Variants in DIS3L2 observed in about 807,000 individuals in gnomAD.
DIS3L2 encodes DIS3 like 3'-5' exoribonuclease 2.
Under a neutral mutation model 97.5 loss-of-function variants are expected in DIS3L2, and 34 were observed. The ratio of observed to expected loss-of-function variants is 0.35; its 90% CI spans 0.27 to 0.46. The LOEUF is 0.46. Ranked by LOEUF, DIS3L2 falls within the 20% of genes least tolerant of loss-of-function variation. The pLI is 1.00. For synonymous variants in DIS3L2, 435 were observed against 445.2 expected (o/e 0.98, Z 0.29); for missense variants, 1,038 against 1,146.0 (o/e 0.91, Z 1.36).
At position 232,014,948 on chromosome 2, in the gene DIS3L2, A is replaced by G. The variant is rs1694312538; in HGVS notation, c.21A>G (p.Arg7=). The G allele has an allele frequency of 6.2e-7, 1 of 1,613,930 alleles. No individual in the cohort carries two copies. Among genetic ancestry groups the G allele is most frequent in the African/African-American group, 1.3e-5 (1 of 74,912 alleles). Residue 7 remains arginine, a synonymous_variant, in exon 2 of 21, where the codon AGA becomes AGG. Coordinates refer to ENST00000325385, the MANE Select transcript of DIS3L2 (RefSeq NM_152383.5). ...CAATAATGAGCCATCCTGACTACAG[A>G]ATGAACCTCCGGCCCCTGGGGACCC... MSHPDY[R]MNLRPLGTPR...
At chr2:232,059,217 C>A (rs1201738937) in intron 5 of DIS3L2, among the ~76,000 whole-genome samples, 2 of 152,162 alleles carry the variant, frequency 1.3e-5, no homozygotes, top group African/African-American at 4.8e-5. Flanking sequence ...ATGGCAGAAC[C>A]AGCTTACATT....
chr2:232,091,640 C>T (rs2085024), intron 6 of DIS3L2, among the ~76,000 whole-genome samples: 134,485 of 152,208 alleles, frequency 0.88, 59,539 homozygotes, highest in East Asian at 1. Flanking sequence ...CTCTTTGATA[C>T]ACTGTTTTCC....
intron 19 of DIS3L2, 35 bp from the exon 20 acceptor site, chr2:232,335,738 G>GAGCTGAGGCCT: frequency 6.5e-7 from 1 of 1,546,186 alleles, no homozygotes; most frequent in Non-Finnish European, 8.7e-7. Flanking sequence ...GCAGCATCCA[G>GAGCTGAGGCCT]AGCTGAGGCC....
intron 5 of DIS3L2, among the ~76,000 whole-genome samples, chr2:232,057,238 C>T (rs1574842527): frequency 6.6e-6 from 1 of 152,072 alleles, no homozygotes; most frequent in Admixed American, 6.5e-5. Flanking sequence ...AAGAGAAGAA[C>T]GTCTTGAGTA....
chr2:232,090,831 G>A (rs765943062), intron 6 of DIS3L2, among the ~76,000 whole-genome samples: 2 of 152,156 alleles, frequency 1.3e-5, no homozygotes, highest in African/African-American at 4.8e-5. Flanking sequence ...TGTATTTATA[G>A]CATATACCTA....
In DIS3L2 at chr2:232,108,604, G is replaced by A. The variant is rs183210451; in HGVS notation, c.601+20883G>A. On this transcript the variant is annotated intron_variant, in intron 6 of 20. Coordinates refer to ENST00000325385, the MANE Select transcript of DIS3L2 (RefSeq NM_152383.5). ...AGGTATTTAAATAGGAAGAGAGGAA[G>A]TCAAACTATCTTTGTTTGCATTGCA... Among the ~76,000 whole-genome samples the A allele has an allele frequency of 3.3e-5, 5 of 152,348 alleles. No homozygotes were observed. The East Asian group carries it at 9.6e-4, about 29-fold the overall frequency.
rs531731394 is a variant in DIS3L2, at chr2:232,083,526, A to G, written c.367-3961A>G. 2.9e-3 allele frequency among the ~76,000 whole-genome samples: 423 copies of G among 143,872 alleles called. 1 individual carries two copies. Among genetic ancestry groups the G allele is most frequent in the Non-Finnish European group, 4.7e-3 (314 of 66,376 alleles). The allele number at this position is 143,872 out of a possible 152,430, so 94.4% of individuals were successfully genotyped here. A position where few individuals can be genotyped will look rare whatever the true frequency, so the allele number is the denominator to read the frequency against. ...TTTTTTTTTTTTGAGACAGAGTCTC[A>G]CTCTGTTGCCCAGGCTGGAGTGCAG... On this transcript the variant is annotated intron_variant, in intron 5 of 20. Transcript: ENST00000325385.
Position 232,293,778 on chromosome 2 carries a change from A to G in DIS3L2, c.1660-6262A>G, listed in dbSNP as rs569298282. Among the ~76,000 whole-genome samples, 1 of 152,330 alleles carries G rather than the reference A, an allele frequency of 6.6e-6. No individual in the cohort carries two copies. The highest frequency in any genetic ancestry group is 2.4e-5 in the African/African-American group (1 of 41,582). Reference sequence around the variant, plus strand: ...CCTGGGCTGTGTTGAATTCACTTTCATATCTCCAAAAGCAGGAAGCCGTCA... The same window carrying G: ...CCTGGGCTGTGTTGAATTCACTTTCGTATCTCCAAAAGCAGGAAGCCGTCA... On this transcript the variant is annotated intron_variant, in intron 13 of 20. Transcript: ENST00000325385. The surrounding 1 kb of genome is among the most constrained non-coding windows in gnomAD (Gnocchi z 4.6).
chr2:232,271,615 T>C (rs550574453), intron 13 of DIS3L2, among the ~76,000 whole-genome samples: 5 of 152,316 alleles, frequency 3.3e-5, no homozygotes, highest in Admixed American at 2.0e-4. Context: ...TATAATAATA[T>C]TAGCAAAATT....
At chr2:232,229,644 G>C (rs1692739415) in intron 10 of DIS3L2, among the ~76,000 whole-genome samples, 1 of 152,210 alleles carries the variant, frequency 6.6e-6, no homozygotes, top group African/African-American at 2.4e-5. Flanking sequence ...TACTACCTGG[G>C]TGTTCCTCAT....
chr2:232,295,378 C>T (rs1368927883), intron 13 of DIS3L2, among the ~76,000 whole-genome samples: 1 of 152,180 alleles, frequency 6.6e-6, no homozygotes, highest in East Asian at 1.9e-4. Context: ...TCCCCCCTGC[C>T]CAATCCACAG....
rs768428203 is a variant in DIS3L2 at position 232,336,703 on chromosome 2, G to A, written c.*73G>A. ...CACTGGCTTTAGGACCTGTTGACACGGAGGGGGGTTTTTAATTTGGTTTTT... is the reference window on the plus strand; with the variant it reads ...CACTGGCTTTAGGACCTGTTGACACAGAGGGGGGTTTTTAATTTGGTTTTT... On this transcript the variant is annotated 3_prime_UTR_variant, in exon 21 of 21. Coordinates refer to ENST00000325385, the MANE Select transcript of DIS3L2 (RefSeq NM_152383.5). 121 of 1,526,350 alleles carry A rather than the reference G, an allele frequency of 7.9e-5. No homozygotes were observed. Among genetic ancestry groups the A allele is most frequent in the Non-Finnish European group, 1.0e-4 (117 of 1,148,108 alleles). 94.6% of individuals were successfully genotyped at this position (1,526,350 alleles called of 1,614,324 possible).
chr2:232,021,446 ATT>A (rs562864093), intron 3 of DIS3L2, among the ~76,000 whole-genome samples: 1 of 145,936 alleles, frequency 6.9e-6, no homozygotes, highest in Non-Finnish European at 1.5e-5. Flanking sequence ...CGATATTTGA[ATT>A]TTTTTTTTTT....
At chr2:232,213,195 A>C (rs762526117) in intron 10 of DIS3L2, among the ~76,000 whole-genome samples, 2 of 152,158 alleles carry the variant, frequency 1.3e-5, no homozygotes, top group African/African-American at 4.8e-5. Flanking sequence ...CTAGTTCCCA[A>C]ATTTTTATAA....
chr2:232,130,036 T>G (rs1351275418), intron 6 of DIS3L2, among the ~76,000 whole-genome samples: 1 of 152,168 alleles, frequency 6.6e-6, no homozygotes, highest in Non-Finnish European at 1.5e-5. Flanking sequence ...GTAAGTTTTT[T>G]AAGAAAGGAA....
At chr2:232,078,986 T>C (rs898287760) in intron 5 of DIS3L2, among the ~76,000 whole-genome samples, 3 of 152,230 alleles carry the variant, frequency 2.0e-5, no homozygotes, top group Non-Finnish European at 2.9e-5. Context: ...TGTGGAGATA[T>C]TAGATACAGT....
Position 232,129,753 on chromosome 2 carries a change from AATG to A in DIS3L2, c.602-860_602-858del, listed in dbSNP as rs1475797923. ...TTTACTTTGGCCTTGGCAACATCTA[AATG>A]ATGATAAGTGCAAGTTTCTCTTAGC... On this transcript the variant is annotated intron_variant, in intron 6 of 20. Coordinates refer to ENST00000325385, the MANE Select transcript of DIS3L2 (RefSeq NM_152383.5). 1.2e-4 allele frequency among the ~76,000 whole-genome samples: 18 copies of A among 152,316 alleles called. No individual in the cohort carries two copies. The East Asian group carries it at 2.3e-3, about 20-fold the overall frequency.
At chr2:232,233,803 A>G (rs900526856) in intron 10 of DIS3L2, among the ~76,000 whole-genome samples, 2 of 152,212 alleles carry the variant, frequency 1.3e-5, no homozygotes, top group Non-Finnish European at 2.9e-5. Context: ...TAAGCTAGAA[A>G]TTTAGGAGTG....
chr2:232,121,263 T>TAA (rs755502559), intron 6 of DIS3L2, among the ~76,000 whole-genome samples: 2 of 152,214 alleles, frequency 1.3e-5, no homozygotes, highest in Non-Finnish European at 2.9e-5. Flanking sequence ...AATACTTTCT[T>TAA]TCTTTGTCTT....
Sources: gnomAD v4.1 joint callset for allele counts (sites outside exome capture counted in the v4.1 genomes callset) on GRCh38, gnomAD v4.1.1 for gene constraint, Gnocchi (gnomAD v3.1) non-coding constraint, MANE v1.5 for transcripts, NCBI Gene and HGNC (gene_info 2026-07-23, HGNC 2026-07-21) for gene names.